DTWD2: variants seen among roughly 807,000 people sequenced by gnomAD.
DTWD2 encodes tRNA-uridine aminocarboxypropyltransferase 2.
A neutral mutation model predicts 31.8 loss-of-function variants in DTWD2; 39 were observed. That is an observed-to-expected ratio of 1.22 (90% CI 0.95 to 1.60). DTWD2 has a LOEUF of 1.60. DTWD2 is among the 40% of genes most tolerant of loss of function. The pLI is 0.00. For synonymous variants in DTWD2, 180 were observed against 142.8 expected, an observed-to-expected ratio of 1.26 and a Z score of -1.86; for missense variants, 515 against 381.5, an observed-to-expected ratio of 1.35 and a Z score of -2.92.
intron 4 of DTWD2, among the ~76,000 whole-genome samples, chr5:118,902,003 T>C (rs1355550241): frequency 6.6e-6 from 1 of 152,212 alleles, no homozygotes; most frequent in Non-Finnish European, 1.5e-5. Flanking sequence ...ACTTAATTAC[T>C]TTTTATTATT....
At chr5:118,848,001 G>A in intron 5 of DTWD2, 89 bp downstream of exon 5, 1 of 1,345,090 alleles carries the variant, frequency 7.4e-7, no homozygotes, top group Non-Finnish European at 9.8e-7. Context: ...TGTCACATGA[G>A]TTACAAATTT....
At chr5:118,935,506 CTGCTTGCTTGCT>C (rs752089218) in intron 3 of DTWD2, among the ~76,000 whole-genome samples, 170 of 152,188 alleles carry the variant, frequency 1.1e-3, no homozygotes, top group Non-Finnish European at 2.5e-4. Context: ...GCAAAATTGA[CTGCTTGCTTGCT>C]TGCTTGCTTG....
chr5:118,965,461 A>AC (rs1491282920), intron 1 of DTWD2, among the ~76,000 whole-genome samples: 2 of 302 alleles, frequency 6.6e-3, no homozygotes, highest in African/African-American at 0.022. Context: ...CATGATGATG[A>AC]TGCGGTTTTG....
chr5:118,898,418 G>A (rs1473887184), intron 4 of DTWD2, among the ~76,000 whole-genome samples: 1 of 151,814 alleles, frequency 6.6e-6, no homozygotes, highest in Non-Finnish European at 1.5e-5. Flanking sequence ...AGCACTTTGG[G>A]AGGCTGAGGT....
intron 4 of DTWD2, among the ~76,000 whole-genome samples, chr5:118,869,645 C>G (rs1282457915): frequency 6.6e-6 from 1 of 152,168 alleles, no homozygotes; most frequent in African/African-American, 2.4e-5. Context: ...TCTCTTTCCA[C>G]AAACAATTTG....
intron 1 of DTWD2, among the ~76,000 whole-genome samples, chr5:118,972,988 C>T (rs1397292111): frequency 2.0e-5 from 3 of 151,826 alleles, no homozygotes; most frequent in Non-Finnish European, 4.4e-5. Flanking sequence ...ATGTAATGCC[C>T]TTCTTTGTCT....
intron 4 of DTWD2, among the ~76,000 whole-genome samples, chr5:118,890,675 A>G (rs1023183576): frequency 7.0e-6 from 1 of 143,838 alleles, no homozygotes. Flanking sequence ...GGTTCAAGCG[A>G]TTCTTCTGCC....
chr5:118,952,891 T>G (rs1298467439), intron 1 of DTWD2, among the ~76,000 whole-genome samples: 1 of 152,240 alleles, frequency 6.6e-6, no homozygotes, highest in African/African-American at 2.4e-5. Context: ...TTTATTTTAG[T>G]CGTATGTATT....
intron 4 of DTWD2, among the ~76,000 whole-genome samples, chr5:118,907,549 G>A (rs1021331505): frequency 2.6e-5 from 4 of 152,016 alleles, no homozygotes; most frequent in Admixed American, 6.6e-5. Flanking sequence ...TGGCCAACAT[G>A]GTGAAACTCC....
chr5:118,903,834 T>C (rs996903708), intron 4 of DTWD2, among the ~76,000 whole-genome samples: 2 of 152,058 alleles, frequency 1.3e-5, no homozygotes, highest in African/African-American at 4.8e-5. Context: ...TCTGCTTATA[T>C]ATATTTGAAA....
At chr5:118,928,910 G>A (rs1753865327) in intron 3 of DTWD2, among the ~76,000 whole-genome samples, 181 bp from the exon 4 acceptor site, 1 of 152,126 alleles carries the variant, frequency 6.6e-6, no homozygotes, top group Non-Finnish European at 1.5e-5. Flanking sequence ...CTCTACTGAT[G>A]TATTCACCAC....
chr5:118,918,914 G>A (rs1490950353), intron 4 of DTWD2, among the ~76,000 whole-genome samples: 6 of 151,438 alleles, frequency 4.0e-5, no homozygotes, highest in Non-Finnish European at 7.4e-5. Flanking sequence ...CCAAAAACAA[G>A]ACACATTTGC....
At chr5:118,923,306 C>T (rs538700942) in intron 4 of DTWD2, among the ~76,000 whole-genome samples, 1 of 152,116 alleles carries the variant, frequency 6.6e-6, no homozygotes, top group Non-Finnish European at 1.5e-5. Flanking sequence ...GGCGCCAGAG[C>T]GAGGCCATTT....
chr5:118,875,497 G>A (rs780663359), intron 4 of DTWD2, among the ~76,000 whole-genome samples: 2 of 145,614 alleles, frequency 1.4e-5, no homozygotes, highest in Admixed American at 7.0e-5. Context: ...AAAATAAAGG[G>A]AGGGAGAAAA....
intron 1 of DTWD2, among the ~76,000 whole-genome samples, chr5:118,959,963 C>A (rs1754671222): frequency 6.6e-6 from 1 of 152,072 alleles, no homozygotes; most frequent in South Asian, 2.1e-4. Flanking sequence ...TTAAAAACTT[C>A]AATGTAAAAC....
At chr5:118,846,059 TTCC>T (rs1291112555) in intron 5 of DTWD2, among the ~76,000 whole-genome samples, 21 of 152,192 alleles carry the variant, frequency 1.4e-4, no homozygotes, top group African/African-American at 5.1e-4. Context: ...TTTCAAAAAG[TTCC>T]TCATTAGTTA....
At chr5:118,928,965 C>A (rs1383089802) in intron 3 of DTWD2, among the ~76,000 whole-genome samples, 2 of 152,212 alleles carry the variant, frequency 1.3e-5, no homozygotes, top group Admixed American at 1.3e-4. Context: ...CACTATTCTT[C>A]TCTATCAAAG....
intron 4 of DTWD2, among the ~76,000 whole-genome samples, chr5:118,892,932 T>C (rs1753005147): frequency 6.6e-6 from 1 of 152,102 alleles, no homozygotes; most frequent in South Asian, 2.1e-4. Flanking sequence ...ACTTACAGAA[T>C]GTAAGAAAGA....
intron 4 of DTWD2, among the ~76,000 whole-genome samples, chr5:118,859,383 C>A (rs1246261008): frequency 6.6e-6 from 1 of 152,064 alleles, no homozygotes; most frequent in African/African-American, 2.4e-5. Context: ...TTTAAAGTAT[C>A]ATTTTAAAGT....
Sources: allele counts gnomAD v4.1 joint callset (sites outside exome capture counted in the v4.1 genomes callset), GRCh38; gene constraint gnomAD v4.1.1; transcripts MANE v1.5; gene names NCBI Gene and HGNC (gene_info 2026-07-23, HGNC 2026-07-21).